The following CSMD1 variants were observed in gnomAD, a reference collection of about 807,000 sequenced individuals.
CSMD1 encodes the protein CUB and sushi domain-containing protein 1.
In CSMD1, 213 loss-of-function variants were observed where a neutral mutation model predicts 417.5. The ratio of observed to expected loss-of-function variants is 0.51; its 90% confidence interval spans 0.46 to 0.57. CSMD1 has a LOEUF of 0.57. CSMD1 is among the 20% of genes least tolerant of loss of function. The pLI, the probability that CSMD1 is intolerant of heterozygous loss-of-function variation, is 0.00. For synonymous variants in CSMD1, 2,862 were observed against 1,736.8 expected (o/e 1.65, Z -16.11); for missense variants, 6,923 against 4,529.7 (o/e 1.53, Z -15.17).
chr8:3,299,047 T>G (rs563419015), intron 25 of CSMD1, among the ~76,000 whole-genome samples: 1 of 152,148 alleles, frequency 6.6e-6, no homozygotes, highest in African/African-American at 2.4e-5. Flanking sequence ...ACAAAAAATA[T>G]GATACAACAA....
chr8:3,603,814 C>A (rs904936086), intron 8 of CSMD1, among the ~76,000 whole-genome samples: 7 of 152,202 alleles, frequency 4.6e-5, no homozygotes, highest in Non-Finnish European at 8.8e-5. Flanking sequence ...GAAGGAATAA[C>A]AATCATAATC....
At chr8:3,698,670 C>T (rs945342617) in intron 7 of CSMD1, among the ~76,000 whole-genome samples, 28 of 152,186 alleles carry the variant, frequency 1.8e-4, no homozygotes, top group African/African-American at 6.5e-4. Flanking sequence ...AATCTAGTAA[C>T]ACGCCTGGTA....
At chr8:4,458,844 G>T (rs1480565571) in intron 2 of CSMD1, among the ~76,000 whole-genome samples, 2 of 152,136 alleles carry the variant, frequency 1.3e-5, no homozygotes, top group Admixed American at 1.3e-4. Flanking sequence ...TTTCAGAACT[G>T]AGGCAAGCGT....
intron 1 of CSMD1, among the ~76,000 whole-genome samples, chr8:4,894,174 T>G (rs1415962101): frequency 6.6e-6 from 1 of 152,144 alleles, no homozygotes; most frequent in Non-Finnish European, 1.5e-5. Flanking sequence ...TTTATGTTAT[T>G]AGCTCTTTCT....
intron 4 of CSMD1, among the ~76,000 whole-genome samples, chr8:4,004,533 T>C (rs1316697423): frequency 6.6e-6 from 1 of 152,004 alleles, no homozygotes; most frequent in Admixed American, 6.6e-5. Context: ...AACATAAAAA[T>C]GAAGTAGTAT....
intron 3 of CSMD1, among the ~76,000 whole-genome samples, chr8:4,315,611 A>C (rs1407593165): frequency 6.6e-6 from 1 of 152,206 alleles, no homozygotes; most frequent in Non-Finnish European, 1.5e-5. Context: ...TGAATAAAGT[A>C]AACTTGGTTT....
chr8:4,832,616 A>AGC (rs1800220273), intron 1 of CSMD1, among the ~76,000 whole-genome samples: 1 of 152,198 alleles, frequency 6.6e-6, no homozygotes, highest in Non-Finnish European at 1.5e-5. Flanking sequence ...CTTAGGGATT[A>AGC]TAGTAAGTGT....
At chr8:3,911,507 A>C (rs2627408) in intron 5 of CSMD1, among the ~76,000 whole-genome samples, 5 of 150,160 alleles carry the variant, frequency 3.3e-5, no homozygotes, top group Admixed American at 2.6e-4. Flanking sequence ...CAGCCTGGGC[A>C]ACAGAGCAAG....
chr8:4,852,668 G>C (rs1033909252), intron 1 of CSMD1, among the ~76,000 whole-genome samples: 3 of 152,182 alleles, frequency 2.0e-5, no homozygotes, highest in Admixed American at 1.3e-4. Flanking sequence ...GATTGGAAGA[G>C]TTTGGAGGAC....
rs541090873 is a variant in CSMD1 at position 3,435,068 on chromosome 8, T to G, written c.1562-25463A>C. 5.1e-4 allele frequency among the ~76,000 whole-genome samples: 78 copies of G among 152,144 alleles called. 1 individual carries two copies. The highest frequency in any genetic ancestry group is 1.9e-3 in the African/African-American group (77 of 41,526). ...GAGGACAGAAGCCCCTGGTGGGAGC[T>G]GCTACCTTTGGCAATCCATGGAAGA... is the stretch of plus-strand genomic sequence containing the variant. On this transcript the variant is annotated intron_variant, in intron 12 of 69. Coordinates refer to ENST00000635120, the MANE Select transcript of CSMD1 (RefSeq NM_033225.6).
At chr8:3,798,653 T>C (rs1800294491) in intron 5 of CSMD1, among the ~76,000 whole-genome samples, 1 of 152,128 alleles carries the variant, frequency 6.6e-6, no homozygotes, top group Non-Finnish European at 1.5e-5. Flanking sequence ...AATACATACA[T>C]TTATTCAAGA....
intron 3 of CSMD1, among the ~76,000 whole-genome samples, chr8:4,336,715 T>G (rs1304457478): frequency 6.6e-6 from 1 of 152,092 alleles, no homozygotes; most frequent in Non-Finnish European, 1.5e-5. Context: ...TGTGTATTCT[T>G]TCTAGGATCC....
At chr8:3,611,199 T>C (rs547153770) in intron 8 of CSMD1, among the ~76,000 whole-genome samples, 2 of 151,548 alleles carry the variant, frequency 1.3e-5, no homozygotes, top group African/African-American at 2.4e-5. Context: ...AACCTGCACA[T>C]TGTGCACATG....
chr8:4,360,083 A>G (rs758885923), intron 3 of CSMD1, among the ~76,000 whole-genome samples: 1 of 152,120 alleles, frequency 6.6e-6, no homozygotes, highest in Non-Finnish European at 1.5e-5. Context: ...GATCTCGGAC[A>G]AGTTACTTAA....
At chr8:4,019,692 G>C (rs1388442239) in intron 4 of CSMD1, among the ~76,000 whole-genome samples, 1 of 152,142 alleles carries the variant, frequency 6.6e-6, no homozygotes, top group Non-Finnish European at 1.5e-5. Context: ...TGCTGCTCCT[G>C]CTTTGTCAGT....
intron 5 of CSMD1, among the ~76,000 whole-genome samples, chr8:3,847,675 T>C (rs897429240): frequency 6.6e-5 from 10 of 152,062 alleles, no homozygotes; most frequent in Admixed American, 1.3e-4. Context: ...TTCTGGTCAT[T>C]TGCTACTCAG....
rs189337516 is a variant in CSMD1, at chr8:3,696,089, A to G, written c.1009+12325T>C. Reference sequence around the variant, plus strand: ...TCTTATGGGGGACAGGGAATGAGACATTTCCTACATATCAGTTACCTTGAA... The same window carrying G: ...TCTTATGGGGGACAGGGAATGAGACGTTTCCTACATATCAGTTACCTTGAA... On this transcript the variant is annotated intron_variant, in intron 7 of 69. Transcript: ENST00000635120. Among the ~76,000 whole-genome samples the G allele has an allele frequency of 8.9e-4, 136 of 152,286 alleles. 1 individual carries two copies. The highest frequency in any genetic ancestry group is 3.2e-3 in the African/African-American group (133 of 41,570).
chr8:4,366,050 C>A (rs940553710), intron 3 of CSMD1, among the ~76,000 whole-genome samples: 1 of 152,070 alleles, frequency 6.6e-6, no homozygotes, highest in Admixed American at 6.6e-5. Context: ...CAGTACCTGA[C>A]AGATAGCCTT....
intron 1 of CSMD1, among the ~76,000 whole-genome samples, chr8:4,713,009 G>T (rs1274013936): frequency 1.3e-5 from 2 of 152,152 alleles, no homozygotes; most frequent in African/African-American, 4.8e-5. Flanking sequence ...ATGATATTAG[G>T]CTGCCTGACT....
Sources: gnomAD v4.1 joint callset for allele counts (sites outside exome capture counted in the v4.1 genomes callset) on GRCh38, gnomAD v4.1.1 for gene constraint, MANE v1.5 for transcripts, NCBI Gene and HGNC (gene_info 2026-07-23, HGNC 2026-07-21) for gene names.